The following TRAPPC11 variants were observed in gnomAD, a reference collection of about 807,000 sequenced individuals.
TRAPPC11 encodes trafficking protein particle complex subunit 11.
In TRAPPC11, 104 loss-of-function variants were observed where a neutral mutation model predicts 151.2. That is an observed-to-expected ratio of 0.69 (90% confidence interval 0.59 to 0.81). TRAPPC11 has a LOEUF of 0.81. Ranked by LOEUF, TRAPPC11 falls within the 30% of genes least tolerant of loss-of-function variation. TRAPPC11 has a pLI of 0.00. For synonymous variants in TRAPPC11, 456 were observed against 472.3 expected, an observed-to-expected ratio of 0.97 and a Z score of 0.45; for missense variants, 1,230 against 1,349.6, an observed-to-expected ratio of 0.91 and a Z score of 1.39.
Position 183,686,766 on chromosome 4 carries a change from T to C in TRAPPC11, c.1893+18T>C, listed in dbSNP as rs1163409794. ...ATAATCAGGTAATGATGCCATGTCATGTGTTTTTACCACGTTTATCTTATT... is the reference window on the plus strand; with the variant it reads ...ATAATCAGGTAATGATGCCATGTCACGTGTTTTTACCACGTTTATCTTATT... On this transcript the variant is annotated intron_variant, in intron 18 of 29. Transcript: ENST00000334690. 3.1e-6 allele frequency: 5 copies of C among 1,612,844 alleles called. No individual in the cohort carries two copies. The Admixed American group carries it at 5.0e-5, about 16-fold the overall frequency.
At chr4:183,674,374 C>T (rs910555093) in intron 5 of TRAPPC11, among the ~76,000 whole-genome samples, 2 of 141,732 alleles carry the variant, frequency 1.4e-5, no homozygotes, top group Non-Finnish European at 1.5e-5. Flanking sequence ...ACCAAGATTG[C>T]GTCACTGCAC....
At chr4:183,670,878 C>CA (rs1735121220) in intron 5 of TRAPPC11, among the ~76,000 whole-genome samples, 1 of 152,192 alleles carries the variant, frequency 6.6e-6, no homozygotes, top group Non-Finnish European at 1.5e-5. Context: ...CTCTGCCCCC[C>CA]AGATTCAAGT....
intron 20 of TRAPPC11, 67 bp from the exon 21 acceptor site, chr4:183,693,522 T>C (rs955360801): frequency 1.3e-6 from 2 of 1,515,590 alleles, no homozygotes. Flanking sequence ...TTCTTTTAAA[T>C]ACTTTATTTG....
chr4:183,667,874 G>T, intron 4 of TRAPPC11, 129 bp from the exon 5 acceptor site: 1 of 706,162 alleles, frequency 1.4e-6, no homozygotes, highest in Non-Finnish European at 2.5e-6. Context: ...CAGGAGTCCT[G>T]TTGGTGTGAT....
chr4:183,710,932 G>A (rs898079053), intron 29 of TRAPPC11, among the ~76,000 whole-genome samples: 2 of 151,818 alleles, frequency 1.3e-5, no homozygotes, highest in Admixed American at 6.6e-5. Flanking sequence ...TTGGGAGGCC[G>A]AGGCAGGAGA....
intron 5 of TRAPPC11, among the ~76,000 whole-genome samples, chr4:183,671,274 A>G (rs1183410597): frequency 2.0e-5 from 3 of 152,232 alleles, no homozygotes; most frequent in African/African-American, 7.2e-5. Context: ...GTACAGATTC[A>G]TGCAGTTAGA....
chr4:183,678,485 G>A (rs1258276023), intron 8 of TRAPPC11, among the ~76,000 whole-genome samples: 1 of 152,146 alleles, frequency 6.6e-6, no homozygotes, highest in African/African-American at 2.4e-5. Context: ...AATTATAACT[G>A]TAAACAAAGA....
chr4:183,663,007 CTGTT>C (rs1188155971), intron 1 of TRAPPC11, among the ~76,000 whole-genome samples: 4 of 152,002 alleles, frequency 2.6e-5, no homozygotes, highest in African/African-American at 4.8e-5. Flanking sequence ...TTTCTCTCTT[CTGTT>C]TGTTTGACAG....
intron 29 of TRAPPC11, among the ~76,000 whole-genome samples, 185 bp downstream of exon 29, chr4:183,708,759 G>T (rs1314544640): frequency 6.6e-6 from 1 of 152,080 alleles, no homozygotes; most frequent in Non-Finnish European, 1.5e-5. Flanking sequence ...TAATTTCAAA[G>T]ATTGTATTTC....
chr4:183,701,789 T>C lies in TRAPPC11; in HGVS notation c.2944T>C (p.Tyr982His). 2 of 1,612,328 alleles carry C rather than the reference T, an allele frequency of 1.2e-6. No individual in the cohort carries two copies. The change falls in exon 26 of 30, where the codon TAT becomes CAT. Residue 982 changes from tyrosine to histidine, a missense_variant. Coordinates refer to ENST00000334690, the MANE Select transcript of TRAPPC11 (RefSeq NM_021942.6). ...NIEGGVATGH[Y>H]IISWKRTSAM... ...TGAAGGTGGAGTAGCAACCGGGCAT[T>C]ATATTATCTCTTGGAAAAGGTAAGA... is the stretch of plus-strand genomic sequence containing the variant.
intron 26 of TRAPPC11, among the ~76,000 whole-genome samples, chr4:183,703,564 G>A (rs1033480625): frequency 2.0e-5 from 3 of 152,184 alleles, no homozygotes; most frequent in Admixed American, 2.0e-4. Context: ...TGTACACAAA[G>A]GGTGTGTGTA....
At chr4:183,684,572 G>A (rs1456565878) in intron 14 of TRAPPC11, 124 bp from the exon 15 acceptor site, 2 of 1,142,698 alleles carry the variant, frequency 1.8e-6, no homozygotes, top group Middle Eastern at 2.0e-4. Context: ...GAGAATACCT[G>A]TTCAACCATC....
At chr4:183,697,642 T>G in intron 24 of TRAPPC11, 37 bp from the exon 25 acceptor site, 1 of 1,611,378 alleles carries the variant, frequency 6.2e-7, no homozygotes, top group South Asian at 1.1e-5. Context: ...TGGATTAAGG[T>G]AATTCCTGAC....
At chr4:183,693,267 C>T in intron 20 of TRAPPC11, 120 bp downstream of exon 20, 1 of 1,006,060 alleles carries the variant, frequency 9.9e-7, no homozygotes, top group Non-Finnish European at 1.4e-6. Context: ...TCACGACTCA[C>T]TGTAGCCTTG....
At chr4:183,663,286 T>G (rs1396244427) in intron 1 of TRAPPC11, among the ~76,000 whole-genome samples, 1 of 152,092 alleles carries the variant, frequency 6.6e-6, no homozygotes, top group African/African-American at 2.4e-5. Context: ...CAGGCTAGAG[T>G]GCAGTGGCGC....
In TRAPPC11 at chr4:183,712,608, T is replaced by C; in HGVS notation, c.3366T>C (p.Gly1122=). ...IPTSIFVKPQ[G]RLMDDTSIAA... ...TTTTTCCCACTTTAAAGCCACAGGG[T>C]CGACTCATGGATGATACCTCTATTG... The change falls in exon 30 of 30, where the codon GGT becomes GGC. Residue 1122 remains glycine, a synonymous_variant. Coordinates refer to ENST00000334690, the MANE Select transcript of TRAPPC11 (RefSeq NM_021942.6). The C allele has an allele frequency of 6.2e-7, 1 of 1,614,164 alleles. No individual in the cohort carries two copies. Among genetic ancestry groups the C allele is most frequent in the South Asian group, 1.1e-5 (1 of 91,076 alleles).
intron 3 of TRAPPC11, 59 bp from the exon 4 acceptor site, chr4:183,667,001 G>A: frequency 7.1e-7 from 1 of 1,405,394 alleles, no homozygotes; most frequent in Non-Finnish European, 9.9e-7. Context: ...TTTATGTGAA[G>A]TCATGAATAC....
chr4:183,699,219 A>G (rs1736686148), intron 25 of TRAPPC11, among the ~76,000 whole-genome samples: 2 of 152,076 alleles, frequency 1.3e-5, no homozygotes, highest in African/African-American at 4.8e-5. Context: ...ACTTTTGAAC[A>G]TATCTTTGGA....
At chr4:183,705,317 T>A (rs894190611) in intron 27 of TRAPPC11, among the ~76,000 whole-genome samples, 1 of 152,218 alleles carries the variant, frequency 6.6e-6, no homozygotes, top group Non-Finnish European at 1.5e-5. Flanking sequence ...ATGGCTATTT[T>A]AAAAAATATA....
Sources: allele counts gnomAD v4.1 joint callset (sites outside exome capture counted in the v4.1 genomes callset), GRCh38; gene constraint gnomAD v4.1.1; transcripts MANE v1.5; gene names NCBI Gene and HGNC (gene_info 2026-07-23, HGNC 2026-07-21).